Variants in CACNA1C observed in about 807,000 individuals in gnomAD.
CACNA1C encodes the protein voltage-dependent L-type calcium channel subunit alpha-1C.
CACNA1C carries 30 observed loss-of-function variants against 229.0 expected under a neutral mutation model. That is an observed-to-expected ratio of 0.13 (90% CI 0.10 to 0.18). The LOEUF (loss-of-function observed/expected upper bound fraction) is 0.18, where lower values mean the gene tolerates loss of function less well. CACNA1C is among the 10% of genes least tolerant of loss of function. The probability of loss-of-function intolerance (pLI) is 1.00; values close to 1 mark genes in which losing one functional copy is unlikely to be tolerated. For missense variants in CACNA1C, 1,658 were observed against 2,845.0 expected, an observed-to-expected ratio of 0.58 and a Z score of 9.49; for synonymous variants, 1,114 against 1,132.5, an observed-to-expected ratio of 0.98 and a Z score of 0.33.
At chr12:2,068,258 G>T (rs1208360912) in intron 1 of CACNA1C, among the ~76,000 whole-genome samples, 1 of 152,194 alleles carries the variant, frequency 6.6e-6, no homozygotes, top group Non-Finnish European at 1.5e-5. Flanking sequence ...GGTGTAGGAA[G>T]GTGTGAATGA....
intron 1 of CACNA1C, among the ~76,000 whole-genome samples, chr12:2,078,545 G>T (rs1270351987): frequency 6.6e-6 from 1 of 152,226 alleles, no homozygotes; most frequent in Non-Finnish European, 1.5e-5. Context: ...ACTCTTAGAA[G>T]TAGAATTGTG....
At chr12:2,087,590 C>T (rs909889694) in intron 1 of CACNA1C, among the ~76,000 whole-genome samples, 1 of 152,012 alleles carries the variant, frequency 6.6e-6, no homozygotes, top group Non-Finnish European at 1.5e-5. Context: ...AAGAAAGTGT[C>T]ACATTTTAGT....
intron 3 of CACNA1C, among the ~76,000 whole-genome samples, chr12:2,240,073 G>T (rs764851644): frequency 5.9e-5 from 9 of 152,200 alleles, no homozygotes; most frequent in Non-Finnish European, 1.0e-4. Flanking sequence ...TAAATTGCTG[G>T]ATCAGTCAGA....
intron 13 of CACNA1C, among the ~76,000 whole-genome samples, chr12:2,577,955 G>A (rs1033310585): frequency 5.3e-5 from 8 of 149,646 alleles, no homozygotes; most frequent in Non-Finnish European, 1.0e-4. Flanking sequence ...TGCAAGCTCC[G>A]CCTCCCGGGT....
At chr12:2,023,641 T>C (rs1191048288) in intron 1 of CACNA1C, among the ~76,000 whole-genome samples, 1 of 152,182 alleles carries the variant, frequency 6.6e-6, no homozygotes, top group Non-Finnish European at 1.5e-5. Flanking sequence ...TTAGTAACTG[T>C]TCCAGGACAA....
chr12:2,420,102 GGTGTGTGTGTGTGTGTGTGTGTGTGT>G (rs564990323), intron 3 of CACNA1C, among the ~76,000 whole-genome samples: 6 of 125,430 alleles, frequency 4.8e-5, no homozygotes, highest in Admixed American at 3.8e-4. Context: ...TAGGCAAAAT[GGTGTGTGTGTGTGTGTGTGTGTGTGT>G]GTGTGTGTGT....
chr12:2,047,320 G>T (rs184128957), intron 1 of CACNA1C, among the ~76,000 whole-genome samples: 24 of 152,288 alleles, frequency 1.6e-4, no homozygotes, highest in Non-Finnish European at 1.5e-5. Flanking sequence ...CATTAAATGA[G>T]CACACTGTGC....
intron 3 of CACNA1C, among the ~76,000 whole-genome samples, chr12:2,260,015 C>T (rs1369970349): frequency 6.6e-6 from 1 of 152,164 alleles, no homozygotes; most frequent in Non-Finnish European, 1.5e-5. Context: ...CAGCATCCAC[C>T]AGACTGCACA....
Position 2,612,030 on chromosome 12 carries a change from G to C in CACNA1C, c.3828+17G>C. Reference sequence around the variant, plus strand: ...AAACCCAAGGTAGGCCTCTGAGAAAGACCTTTGATTCCCAGGCATCAGGGG... The same window carrying C: ...AAACCCAAGGTAGGCCTCTGAGAAACACCTTTGATTCCCAGGCATCAGGGG... On this transcript the variant is annotated intron_variant, in intron 29 of 46. Transcript: ENST00000399655. The C allele has an allele frequency of 1.4e-6, 2 of 1,438,848 alleles. No homozygotes were observed. The highest frequency in any genetic ancestry group is 2.0e-6 in the Non-Finnish European group (2 of 1,020,554). The allele number at this position is 1,438,848 out of a possible 1,614,324, so 89.1% of individuals were successfully genotyped here.
chr12:2,427,692 G>A (rs751402822), intron 3 of CACNA1C, among the ~76,000 whole-genome samples: 3 of 152,116 alleles, frequency 2.0e-5, no homozygotes, highest in Non-Finnish European at 4.4e-5. Flanking sequence ...TGTGATCTCA[G>A]CTCACTGCAA....
chr12:2,642,378 C>T (rs540915583), intron 30 of CACNA1C, among the ~76,000 whole-genome samples: 1 of 152,284 alleles, frequency 6.6e-6, no homozygotes, highest in Admixed American at 6.5e-5. Context: ...TTGTTGTGGC[C>T]AGACAACTGA....
intron 3 of CACNA1C, among the ~76,000 whole-genome samples, chr12:2,317,283 G>A (rs893747991): frequency 6.6e-6 from 1 of 152,212 alleles, no homozygotes; most frequent in African/African-American, 2.4e-5. Context: ...CAGATGAATG[G>A]ATAAGCAAAA....
At chr12:2,063,072 C>T (rs1594767560) in intron 1 of CACNA1C, among the ~76,000 whole-genome samples, 1 of 152,112 alleles carries the variant, frequency 6.6e-6, no homozygotes, top group Non-Finnish European at 1.5e-5. Flanking sequence ...TTTCATTCCC[C>T]TCTCTCTCCA....
intron 3 of CACNA1C, among the ~76,000 whole-genome samples, chr12:2,429,309 G>A (rs1399344631): frequency 6.6e-6 from 1 of 152,158 alleles, no homozygotes; most frequent in African/African-American, 2.4e-5. Context: ...TGTATTTGGG[G>A]AAGGGAGGAT....
intron 3 of CACNA1C, among the ~76,000 whole-genome samples, chr12:2,278,484 T>A (rs888643517): frequency 2.0e-5 from 3 of 152,216 alleles, no homozygotes; most frequent in Non-Finnish European, 4.4e-5. Flanking sequence ...TTGTTTTATA[T>A]CAATGAAGTC....
At chr12:2,043,168 A>G (rs2050433952) in intron 1 of CACNA1C, among the ~76,000 whole-genome samples, 1 of 152,230 alleles carries the variant, frequency 6.6e-6, no homozygotes, top group African/African-American at 2.4e-5. Flanking sequence ...ATTGACTGAT[A>G]TTATGCTGAT....
At chr12:1,983,595 T>A (rs2036781786) in intron 1 of CACNA1C, among the ~76,000 whole-genome samples, 1 of 152,108 alleles carries the variant, frequency 6.6e-6, no homozygotes, top group Non-Finnish European at 1.5e-5. Context: ...ATACTTTGTA[T>A]GATTTCAACT....
In CACNA1C at chr12:2,678,385, TC is replaced by T. The variant is rs1222789430; in HGVS notation, c.5091+522del. Among the ~76,000 whole-genome samples the T allele has an allele frequency of 6.6e-6, 1 of 152,040 alleles. No homozygotes were observed. The highest frequency in any genetic ancestry group is 1.5e-5 in the Non-Finnish European group (1 of 67,984). On this transcript the variant is annotated intron_variant, in intron 41 of 46. Transcript: ENST00000399655. The surrounding 1 kb of genome is among the most constrained non-coding windows in gnomAD (Gnocchi z 4.1). ...CAGGTCTCCAAGACCCCTCCAGAAC[TC>T]CCCTTTCCCTCTCCTTTCCTGGAGA...
chr12:2,356,107 C>A (rs79149448), intron 3 of CACNA1C, among the ~76,000 whole-genome samples: 2 of 152,194 alleles, frequency 1.3e-5, no homozygotes, highest in Non-Finnish European at 2.9e-5. Context: ...CCCTGCAGAT[C>A]GTTAGGCAAA....
Sources: gnomAD v4.1 joint callset for allele counts (sites outside exome capture counted in the v4.1 genomes callset) on GRCh38, gnomAD v4.1.1 for gene constraint, Gnocchi (gnomAD v3.1) non-coding constraint, MANE v1.5 for transcripts, NCBI Gene and HGNC (gene_info 2026-07-23, HGNC 2026-07-21) for gene names.